The following PITX1 variants were observed in gnomAD, a reference collection of about 807,000 sequenced individuals.
PITX1 encodes pituitary homeobox 1.
PITX1 carries 5 observed loss-of-function variants against 24.1 expected under a neutral mutation model. The ratio of observed to expected loss-of-function variants is 0.21; its 90% CI spans 0.11 to 0.44. The LOEUF is 0.44. Ranked by LOEUF, PITX1 falls within the 20% of genes least tolerant of loss-of-function variation. The probability of loss-of-function intolerance (pLI) is 0.99; values close to 1 mark genes in which losing one functional copy is unlikely to be tolerated. For missense variants in PITX1, 401 were observed against 455.4 expected (o/e 0.88, Z 1.09); for synonymous variants, 213 against 208.9 (o/e 1.02, Z -0.17).
In PITX1 at chr5:135,033,526, T is replaced by A. The variant is rs1752501909; in HGVS notation, c.169+187A>T. 2 of 621,524 alleles carry A rather than the reference T, an allele frequency of 3.2e-6. No individual in the cohort carries two copies. The highest frequency in any genetic ancestry group is 6.0e-5 in the East Asian group (2 of 33,178). 38.5% of individuals were successfully genotyped at this position (621,524 alleles called of 1,614,324 possible). A position where few individuals can be genotyped will look rare whatever the true frequency, so the allele number is the denominator to read the frequency against. ...TTGGCGCGTGGGGACCGCGTGGAAG[T>A]GCCTTCGCGTGTGCGTAAGTTTCCG... On this transcript the variant is annotated intron_variant, in intron 1 of 2. Transcript: ENST00000265340. This position sits in a 1 kb window ranked among gnomAD's most constrained non-coding sequence, Gnocchi z 5.9.
chr5:135,029,778 A>C (rs964712841), intron 2 of PITX1, among the ~76,000 whole-genome samples: 1 of 152,146 alleles, frequency 6.6e-6, no homozygotes, highest in Non-Finnish European at 1.5e-5. Context: ...GTTTGTTATC[A>C]TCTTTATCGG....
In PITX1 at chr5:135,028,748, G is replaced by A. The variant is rs1331817208; in HGVS notation, c.*31C>T. On this transcript the variant is annotated 3_prime_UTR_variant, in exon 3 of 3. Coordinates refer to ENST00000265340, the MANE Select transcript of PITX1 (RefSeq NM_002653.5). Reference sequence around the variant, plus strand: ...CCGCGCCCGCGCCCTTCCCCGCTCCGGCCGCCGGCCCGCGTGGTGCGGCGG... The same window carrying A: ...CCGCGCCCGCGCCCTTCCCCGCTCCAGCCGCCGGCCCGCGTGGTGCGGCGG... 8.8e-5 allele frequency: 131 copies of A among 1,493,968 alleles called. 1 individual carries two copies. The East Asian group carries it at 3.2e-3, about 37-fold the overall frequency. The allele number at this position is 1,493,968 out of a possible 1,614,324, so 92.5% of individuals were successfully genotyped here. A position where few individuals can be genotyped will look rare whatever the true frequency, so the allele number is the denominator to read the frequency against.
chr5:135,031,006 C>T (rs1374779168), intron 2 of PITX1, among the ~76,000 whole-genome samples: 1 of 152,208 alleles, frequency 6.6e-6, no homozygotes, highest in Non-Finnish European at 1.5e-5. Context: ...GGGGAGTCCC[C>T]TGGGGGCACA....
At chr5:135,030,780 G>A (rs1224786005) in intron 2 of PITX1, among the ~76,000 whole-genome samples, 1 of 152,226 alleles carries the variant, frequency 6.6e-6, no homozygotes, top group African/African-American at 2.4e-5. Context: ...ATCTGCTTAT[G>A]AGATGGGACC....
At position 135,028,818 on chromosome 5, in the gene PITX1, G is replaced by T; in HGVS notation, c.906C>A (p.Gly302=). The T allele has an allele frequency of 6.2e-7, 1 of 1,611,810 alleles. No individual in the cohort carries two copies. Among genetic ancestry groups the T allele is most frequent in the African/African-American group, 1.3e-5 (1 of 75,002 alleles). The part of the protein sequence containing the change: ...HSSFGYGGLQ[G]PASGLNACQY... ...GGCACGCGTTGAGGCCCGAGGCCGG[G>T]CCCTGCAGGCCGCCGTAGCCAAACG... is the stretch of plus-strand genomic sequence containing the variant. Residue 302 remains glycine (G), a synonymous_variant, in exon 3 of 3, where the codon GGC becomes GGA. Transcript: ENST00000265340.
At chr5:135,031,751 C>T in intron 1 of PITX1, 1 of 590,516 alleles carries the variant, frequency 1.7e-6, no homozygotes. Flanking sequence ...GGCCTGCGTT[C>T]CTGGCTGGGC....
In PITX1 at chr5:135,033,567, C is replaced by T. The variant is rs1752502888; in HGVS notation, c.169+146G>A. On this transcript the variant is annotated intron_variant, in intron 1 of 2. Transcript: ENST00000265340. The surrounding 1 kb of genome is among the most constrained non-coding windows in gnomAD (Gnocchi z 5.9). ...TAAGTTTCCGCGTTCACCGTCAGGT[C>T]GAGAACGGGAAAAAGAAAGCTCCTG... 1.4e-5 allele frequency: 12 copies of T among 837,878 alleles called. No individual in the cohort carries two copies. The South Asian group carries it at 1.9e-4, about 13-fold the overall frequency. The allele number at this position is 837,878 out of a possible 1,614,324, so 51.9% of individuals were successfully genotyped here.
chr5:135,033,072 C>CG lies in PITX1; in HGVS notation c.169+640dup, dbSNP rs1191387256. ...GGAGGGAGACGCGCAGGAGCCGGGGCGGGGGCCAGAGCCGGGCTGCTCCGG... is the reference window on the plus strand; with the variant it reads ...GGAGGGAGACGCGCAGGAGCCGGGGCGGGGGGCCAGAGCCGGGCTGCTCCGG... On this transcript the variant is annotated intron_variant, in intron 1 of 2. Coordinates refer to ENST00000265340, the MANE Select transcript of PITX1 (RefSeq NM_002653.5). This position sits in a 1 kb window ranked among gnomAD's most constrained non-coding sequence, Gnocchi z 5.9. 8.8e-5 allele frequency: 39 copies of CG among 443,122 alleles called. No individual in the cohort carries two copies. The East Asian group carries it at 2.8e-3, about 32-fold the overall frequency. The allele number at this position is 443,122 out of a possible 1,614,324, so 27.4% of individuals were successfully genotyped here.
chr5:135,029,891 C>A (rs781227297), intron 2 of PITX1, among the ~76,000 whole-genome samples: 9 of 152,096 alleles, frequency 5.9e-5, no homozygotes, highest in Non-Finnish European at 1.3e-4. Context: ...TCTTGTTTAT[C>A]CCCCATTTTT....
At position 135,031,427 on chromosome 5, in the gene PITX1, G is replaced by T. The variant is rs201133610; in HGVS notation, c.251C>A (p.Ala84Asp). Residue 84 changes from alanine (A) to aspartate (D), a missense_variant, in exon 2 of 3, where the codon GCC (alanine) becomes GAC (aspartate). Coordinates refer to ENST00000265340, the MANE Select transcript of PITX1 (RefSeq NM_002653.5). ...GTGCGGADDP[A>D]KKKKQRRQRT... is the part of the protein sequence containing the mutation. The stretch of plus-strand genomic sequence containing the variant: ...TTGCCGCCGCTGCTTCTTCTTCTTG[G>T]CTGGGTCGTCTGCGCCGCCGCAGCC... 80 of 1,613,902 alleles carry T rather than the reference G, an allele frequency of 5.0e-5. No homozygotes were observed. The highest frequency in any genetic ancestry group is 3.5e-5 in the Non-Finnish European group (41 of 1,179,936).
chr5:135,031,686 A>G, intron 1 of PITX1, 178 bp from the exon 2 acceptor site: 1 of 604,618 alleles, frequency 1.7e-6, no homozygotes, highest in Non-Finnish European at 2.9e-6. Flanking sequence ...GTCAGTAGGC[A>G]CCTCTAGTCT....
intron 1 of PITX1, 121 bp from the exon 2 acceptor site, chr5:135,031,629 G>T: frequency 1.2e-6 from 1 of 822,224 alleles, no homozygotes; most frequent in Non-Finnish European, 1.9e-6. Context: ...TCCCTCTAGG[G>T]TTCCTGGGAA....
Position 135,033,675 on chromosome 5 carries a change from G to C in PITX1, c.169+38C>G. On this transcript the variant is annotated intron_variant, in intron 1 of 2. Transcript: ENST00000265340. The surrounding 1 kb of genome is among the most constrained non-coding windows in gnomAD (Gnocchi z 5.9). ...CCAGCTCCCCGTGCTCCGCGCCCGG[G>C]TAGGCTCTGTGCGCGCCGCGCGGGG... 1 of 1,586,814 alleles carries C rather than the reference G, an allele frequency of 6.3e-7. No individual in the cohort carries two copies. Among genetic ancestry groups the C allele is most frequent in the Non-Finnish European group, 8.5e-7 (1 of 1,172,958 alleles).
chr5:135,033,353 C>T lies in PITX1; in HGVS notation c.169+360G>A. ...GTTCTCTCGCCCGTCACCCCTCTTC[C>T]TTTCTCGGTCTCCTCCTCTCCCTTC... On this transcript the variant is annotated intron_variant, in intron 1 of 2. Transcript: ENST00000265340. The surrounding 1 kb of genome is among the most constrained non-coding windows in gnomAD (Gnocchi z 5.9). 3.1e-6 allele frequency: 1 copy of T among 325,696 alleles called. No individual in the cohort carries two copies. The highest frequency in any genetic ancestry group is 2.7e-5 in the South Asian group (1 of 36,666). The allele number at this position is 325,696 out of a possible 1,614,324, so 20.2% of individuals were successfully genotyped here.
rs761162250 is a variant in PITX1, at chr5:135,028,821, C to T, written c.903G>A (p.Gln301=). The change falls in exon 3 of 3, where the codon CAG becomes CAA. Residue 301 remains glutamine (Q), a synonymous_variant. Transcript: ENST00000265340. The part of the protein sequence containing the change: ...QHSSFGYGGL[Q]GPASGLNACQ... ...ACGCGTTGAGGCCCGAGGCCGGGCCCTGCAGGCCGCCGTAGCCAAACGACG... is the reference window on the plus strand; with the variant it reads ...ACGCGTTGAGGCCCGAGGCCGGGCCTTGCAGGCCGCCGTAGCCAAACGACG... 6.2e-7 allele frequency: 1 copy of T among 1,612,294 alleles called. No homozygotes were observed. The highest frequency in any genetic ancestry group is 8.5e-7 in the Non-Finnish European group (1 of 1,179,544).
At position 135,028,735 on chromosome 5, in the gene PITX1, C is replaced by T. The variant is rs1457960031; in HGVS notation, c.*44G>A. 1.4e-6 allele frequency: 2 copies of T among 1,406,266 alleles called. No individual in the cohort carries two copies. Among genetic ancestry groups the T allele is most frequent in the Non-Finnish European group, 1.9e-6 (2 of 1,079,176 alleles). 87.1% of individuals were successfully genotyped at this position (1,406,266 alleles called of 1,614,324 possible). ...GCGTCCTCCGCGCCCGCGCCCGCGC[C>T]CTTCCCCGCTCCGGCCGCCGGCCCG... On this transcript the variant is annotated 3_prime_UTR_variant, in exon 3 of 3. Coordinates refer to ENST00000265340, the MANE Select transcript of PITX1 (RefSeq NM_002653.5).
chr5:135,028,454 C>T lies in PITX1; in HGVS notation c.*325G>A, dbSNP rs1046738754. ...GCGTGCCCTCCGCGGAGTGGGCCTC[C>T]GGGGCCCGTGGGAACACACACACCA... On this transcript the variant is annotated 3_prime_UTR_variant, in exon 3 of 3. Coordinates refer to ENST00000265340, the MANE Select transcript of PITX1 (RefSeq NM_002653.5). 1.8e-4 allele frequency: 17 copies of T among 94,432 alleles called. No homozygotes were observed. Among genetic ancestry groups the T allele is most frequent in the East Asian group, 3.8e-4 (1 of 2,628 alleles). 5.8% of individuals were successfully genotyped at this position (94,432 alleles called of 1,614,324 possible).
rs566981255 is a variant in PITX1 at position 135,030,983 on chromosome 5, C to T, written c.402+293G>A. ...GCTAACATCTGAGTGGGTCCTGGGC[C>T]CCATAGGGCATGGGGGAGTCCCCTG... On this transcript the variant is annotated intron_variant, in intron 2 of 2. Transcript: ENST00000265340. 2.0e-4 allele frequency among the ~76,000 whole-genome samples: 30 copies of T among 152,274 alleles called. No individual in the cohort carries two copies. The South Asian group carries it at 6.2e-3, about 32-fold the overall frequency.
intron 2 of PITX1, 88 bp from the exon 3 acceptor site, chr5:135,029,409 G>T: frequency 9.3e-7 from 1 of 1,077,160 alleles, no homozygotes; most frequent in Non-Finnish European, 1.4e-6. Context: ...CCTTCCGTCG[G>T]CCCGCTGCCC....
Sources: allele counts gnomAD v4.1 joint callset (sites outside exome capture counted in the v4.1 genomes callset), GRCh38; gene constraint gnomAD v4.1.1; non-coding constraint Gnocchi (gnomAD v3.1); transcripts MANE v1.5; gene names NCBI Gene and HGNC (gene_info 2026-07-23, HGNC 2026-07-21).